The following GRM8 variants were observed in gnomAD, a reference collection of about 807,000 sequenced individuals.
GRM8 encodes the protein glutamate metabotropic receptor 8.
In GRM8, 47 loss-of-function variants were observed where a neutral mutation model predicts 87.2. That is an observed-to-expected ratio of 0.54 (90% CI 0.43 to 0.69). The LOEUF is 0.69. Among genes scored for constraint, GRM8 ranks in the 30% least tolerant of loss-of-function variants. GRM8 has a pLI of 0.00. For missense variants in GRM8, 1,019 were observed against 1,139.2 expected, an observed-to-expected ratio of 0.89 and a Z score of 1.52; for synonymous variants, 396 against 404.5, an observed-to-expected ratio of 0.98 and a Z score of 0.25.
Position 126,532,947 on chromosome 7 carries a change from C to A in GRM8, c.2430+5G>T. The A allele has an allele frequency of 6.3e-7, 1 of 1,581,746 alleles. No individual in the cohort carries two copies. The highest frequency in any genetic ancestry group is 1.4e-5 in the African/African-American group (1 of 73,898). On this transcript the variant is annotated splice_donor_5th_base_variant and intron_variant, in intron 9 of 10. Transcript: ENST00000339582. Reference sequence around the variant, plus strand: ...AAGTTGTCAAGTGTATTTCCTTCTACTTACCTTTTCTGCTGACTGGGCTGT... The same window carrying A: ...AAGTTGTCAAGTGTATTTCCTTCTAATTACCTTTTCTGCTGACTGGGCTGT...
intron 9 of GRM8, among the ~76,000 whole-genome samples, chr7:126,495,404 C>T (rs975481212): frequency 2.0e-5 from 3 of 151,926 alleles, no homozygotes; most frequent in African/African-American, 4.8e-5. Context: ...GGGGATGCTA[C>T]TGAGAAGACT....
At chr7:126,596,801 T>C (rs549177235) in intron 8 of GRM8, among the ~76,000 whole-genome samples, 2 of 152,264 alleles carry the variant, frequency 1.3e-5, no homozygotes, top group South Asian at 4.1e-4. Context: ...ATTATATAAA[T>C]GTCAATATCC....
intron 3 of GRM8, among the ~76,000 whole-genome samples, chr7:127,049,627 C>A (rs1231509799): frequency 6.6e-6 from 1 of 152,068 alleles, no homozygotes; most frequent in Non-Finnish European, 1.5e-5. Flanking sequence ...AAGCTTATAG[C>A]CTAGTAGGGA....
intron 7 of GRM8, among the ~76,000 whole-genome samples, chr7:126,619,284 A>C (rs1217359300): frequency 6.6e-6 from 1 of 152,184 alleles, no homozygotes; most frequent in African/African-American, 2.4e-5. Flanking sequence ...ACAAAAAACC[A>C]AACACCGCAT....
chr7:126,546,212 C>T (rs934585338), intron 8 of GRM8, among the ~76,000 whole-genome samples: 14 of 152,070 alleles, frequency 9.2e-5, no homozygotes, highest in African/African-American at 2.9e-4. Context: ...ATAACAACCC[C>T]GTGAGTTAAG....
chr7:126,648,523 G>A (rs1057333000), intron 7 of GRM8, among the ~76,000 whole-genome samples: 8 of 152,142 alleles, frequency 5.3e-5, no homozygotes, highest in African/African-American at 1.9e-4. Context: ...AGTTTTCTTT[G>A]TGCAGTGTCT....
intron 6 of GRM8, among the ~76,000 whole-genome samples, chr7:126,828,041 C>T (rs1794991699): frequency 6.6e-6 from 1 of 152,176 alleles, no homozygotes; most frequent in Non-Finnish European, 1.5e-5. Flanking sequence ...TTGAACCAGC[C>T]TTGCATCCCA....
At chr7:127,031,522 T>C (rs777562588) in intron 3 of GRM8, among the ~76,000 whole-genome samples, 1 of 152,098 alleles carries the variant, frequency 6.6e-6, no homozygotes, top group African/African-American at 2.4e-5. Context: ...GGTGCCCTCA[T>C]GCAGTTCACA....
chr7:126,445,690 G>A (rs945976768), intron 10 of GRM8, among the ~76,000 whole-genome samples: 1 of 151,908 alleles, frequency 6.6e-6, no homozygotes, highest in Non-Finnish European at 1.5e-5. Flanking sequence ...TTTCCCTAAA[G>A]GCACAAATAA....
At chr7:126,907,897 C>CT (rs912943295) in intron 3 of GRM8, among the ~76,000 whole-genome samples, 1 of 152,112 alleles carries the variant, frequency 6.6e-6, no homozygotes, top group African/African-American at 2.4e-5. Context: ...GGCAGAATCT[C>CT]TGAGTTAGAA....
intron 7 of GRM8, among the ~76,000 whole-genome samples, chr7:126,698,375 A>G (rs1809600151): frequency 6.6e-6 from 1 of 152,168 alleles, no homozygotes; most frequent in East Asian, 1.9e-4. Flanking sequence ...GATGAATCAC[A>G]AAATTGAAGA....
chr7:126,771,686 G>T (rs1320661850), intron 6 of GRM8, among the ~76,000 whole-genome samples: 2 of 151,938 alleles, frequency 1.3e-5, no homozygotes, highest in South Asian at 4.1e-4. Context: ...CCATCTAACT[G>T]CTATCGTCCC....
chr7:126,561,798 C>T (rs1276098475), intron 8 of GRM8, among the ~76,000 whole-genome samples: 2 of 124,108 alleles, frequency 1.6e-5, no homozygotes, highest in South Asian at 2.8e-4. Flanking sequence ...CACAACAGTC[C>T]CCAGTGTGTG....
At chr7:126,661,904 TCACAAGTG>T (rs11276765) in intron 7 of GRM8, among the ~76,000 whole-genome samples, 145,201 of 152,088 alleles carry the variant, frequency 0.95, 69,372 homozygotes, top group East Asian at 1. Flanking sequence ...CACAGTGGCT[TCACAAGTG>T]GATTTCTGTC....
chr7:127,053,597 G>T (rs1341307243), intron 3 of GRM8, among the ~76,000 whole-genome samples: 1 of 152,098 alleles, frequency 6.6e-6, no homozygotes, highest in Non-Finnish European at 1.5e-5. Context: ...AGACCAGCCT[G>T]ACCAACATGG....
intron 3 of GRM8, among the ~76,000 whole-genome samples, chr7:127,055,599 C>T (rs1235685456): frequency 6.6e-6 from 1 of 152,120 alleles, no homozygotes; most frequent in African/African-American, 2.4e-5. Flanking sequence ...GACTTATTCA[C>T]ATTACTAACG....
chr7:126,697,820 A>T (rs1320486384), intron 7 of GRM8, among the ~76,000 whole-genome samples: 1 of 152,136 alleles, frequency 6.6e-6, no homozygotes. Context: ...AGGGGTGCCT[A>T]AGTGTTGCTC....
chr7:126,484,528 G>C (rs983664296), intron 9 of GRM8, among the ~76,000 whole-genome samples: 2 of 151,950 alleles, frequency 1.3e-5, no homozygotes, highest in African/African-American at 4.8e-5. Context: ...AGGGCAATGA[G>C]CACATTCATA....
Position 126,856,800 on chromosome 7 carries a change from T to C in GRM8, c.1156+45742A>G, listed in dbSNP as rs376795778. Among the ~76,000 whole-genome samples, 8 of 152,348 alleles carry C rather than the reference T, an allele frequency of 5.3e-5. No homozygotes were observed. In the East Asian group the frequency reaches 5.8e-4, roughly 11 times the overall value. On this transcript the variant is annotated intron_variant, in intron 6 of 10. Transcript: ENST00000339582. ...ACACATTGCTGTTTAATTCTTGTTA[T>C]GGGGAATACCCATCAAAGTGACATA...
Sources: gnomAD v4.1 joint callset for allele counts (sites outside exome capture counted in the v4.1 genomes callset) on GRCh38, gnomAD v4.1.1 for gene constraint, MANE v1.5 for transcripts, NCBI Gene and HGNC (gene_info 2026-07-23, HGNC 2026-07-21) for gene names.